Variants in SLC23A1 observed in about 807,000 individuals in gnomAD.
SLC23A1 encodes Na(+)/L-ascorbic acid transporter 1.
SLC23A1 carries 31 observed loss-of-function variants against 62.5 expected under a neutral mutation model. The observed-to-expected ratio is 0.50, with a 90% CI of 0.37 to 0.67. The LOEUF (loss-of-function observed/expected upper bound fraction) is 0.67, where lower values mean the gene tolerates loss of function less well. Among genes scored for constraint, SLC23A1 ranks in the 30% least tolerant of loss-of-function variants. SLC23A1 has a pLI of 0.00. For missense variants in SLC23A1, 640 were observed against 782.7 expected (o/e 0.82, Z 2.18); for synonymous variants, 271 against 313.2 (o/e 0.87, Z 1.42).
chr5:139,377,801 C>A (rs1758017264), intron 12 of SLC23A1, among the ~76,000 whole-genome samples, 174 bp downstream of exon 12: 1 of 152,198 alleles, frequency 6.6e-6, no homozygotes, highest in South Asian at 2.1e-4. Flanking sequence ...CAATATCTGT[C>A]CACAGGAAGT....
In SLC23A1 at chr5:139,379,157, C is replaced by T. The variant is rs764905142; in HGVS notation, c.1073+50G>A. On this transcript the variant is annotated intron_variant, in intron 9 of 14. Transcript: ENST00000348729. The surrounding 1 kb of genome is among the most constrained non-coding windows in gnomAD (Gnocchi z 4.7). ...CTCCACCCCGTTCCTGTGTGTGCTT[C>T]CTGGGTGGCGCCTGAGGAGATCAGA... The T allele has an allele frequency of 1.2e-5, 19 of 1,596,546 alleles. No individual in the cohort carries two copies. Among genetic ancestry groups the T allele is most frequent in the Non-Finnish European group, 1.5e-5 (17 of 1,166,218 alleles).
At chr5:139,383,335 A>G, upstream of SLC23A1, 1 of 1,569,230 alleles carries the variant, frequency 6.4e-7, no homozygotes, top group Non-Finnish European at 8.7e-7. Context: ...TTTACTCCAC[A>G]TATCAGGCAT....
At position 139,382,567 on chromosome 5, in the gene SLC23A1, T is replaced by C. The variant is rs1346855161; in HGVS notation, c.75A>G (p.Thr25=). 2.5e-6 allele frequency: 4 copies of C among 1,613,016 alleles called. No homozygotes were observed. Among genetic ancestry groups the C allele is most frequent in the Non-Finnish European group, 3.4e-6 (4 of 1,179,350 alleles). Residue 25 remains threonine, a synonymous_variant, in exon 2 of 15, where the codon ACA becomes ACG. Transcript: ENST00000348729. Reference sequence around the variant, plus strand: ...TGTACAACATGTCAAACTTAGGCTCTGTGGGTAGCGGGGTCGAGGGGTCCC... The same window carrying C: ...TGTACAACATGTCAAACTTAGGCTCCGTGGGTAGCGGGGTCGAGGGGTCCC... ...TTRDPSTPLP[T]EPKFDMLYKI...
intron 14 of SLC23A1, among the ~76,000 whole-genome samples, chr5:139,370,396 C>A (rs1757580301): frequency 1.3e-5 from 2 of 152,290 alleles, no homozygotes; most frequent in South Asian, 4.1e-4. Flanking sequence ...GTCTTGAACT[C>A]CTGACTTCAG....
Position 139,378,150 on chromosome 5 carries a change from G to A in SLC23A1, c.1310-32C>T, listed in dbSNP as rs750054933. The A allele has an allele frequency of 6.2e-7, 1 of 1,613,672 alleles. No homozygotes were observed. Among genetic ancestry groups the A allele is most frequent in the Non-Finnish European group, 8.5e-7 (1 of 1,179,840 alleles). On this transcript the variant is annotated intron_variant, in intron 11 of 14. Coordinates refer to ENST00000348729, the MANE Select transcript of SLC23A1 (RefSeq NM_005847.5). This position sits in a 1 kb window ranked among gnomAD's most constrained non-coding sequence, Gnocchi z 4.5. ...GCGCAAGAGAACGGCTGGAGGCGCCGCACACGCGTAATCCAGGTGAGTCCC... is the reference window on the plus strand; with the variant it reads ...GCGCAAGAGAACGGCTGGAGGCGCCACACACGCGTAATCCAGGTGAGTCCC...
At chr5:139,371,854 A>G (rs1262743384) in intron 14 of SLC23A1, 133 bp downstream of exon 14, 21 of 733,354 alleles carry the variant, frequency 2.9e-5, no homozygotes, top group Admixed American at 4.7e-5. Context: ...CTTTTTACCC[A>G]GCTCACCTTC....
intron 4 of SLC23A1, 36 bp downstream of exon 4, chr5:139,380,762 C>T (rs1319308750): frequency 2.0e-6 from 3 of 1,493,912 alleles, no homozygotes. Context: ...CTGGGCCTCC[C>T]CTTTTCCCCA....
At chr5:139,380,768 C>A (rs1260560062) in intron 4 of SLC23A1, 30 bp downstream of exon 4, 1 of 1,501,000 alleles carries the variant, frequency 6.7e-7, no homozygotes, top group Non-Finnish European at 9.2e-7. Context: ...CTCCCCTTTT[C>A]CCCAGTGCAG....
chr5:139,384,393 G>C (rs1206799802), upstream of SLC23A1: 1 of 1,289,394 alleles, frequency 7.8e-7, no homozygotes, highest in Non-Finnish European at 1.0e-6. Flanking sequence ...GGCCCTGCCT[G>C]AAGGGCCAAG....
chr5:139,377,346 T>C (rs966388514), intron 13 of SLC23A1, 56 bp downstream of exon 13: 1 of 927,642 alleles, frequency 1.1e-6, no homozygotes, highest in Non-Finnish European at 1.8e-6. Flanking sequence ...AGGCCATCTG[T>C]TGGAGTGCAT....
rs747021735 is a variant in SLC23A1 at position 139,379,845 on chromosome 5, G to C, written c.769-11C>G. On this transcript the variant is annotated splice_polypyrimidine_tract_variant and intron_variant, in intron 7 of 14. Coordinates refer to ENST00000348729, the MANE Select transcript of SLC23A1 (RefSeq NM_005847.5). The surrounding 1 kb of genome is among the most constrained non-coding windows in gnomAD (Gnocchi z 4.7). ...GATGGCCAGCATGATCTGAAGGAGG[G>C]GGGTGAGGGGGCACTGAAGGCACTG... 20 of 1,614,014 alleles carry C rather than the reference G, an allele frequency of 1.2e-5. No homozygotes were observed. In the South Asian group the frequency reaches 2.1e-4, roughly 17 times the overall value.
At chr5:139,382,120 G>T in intron 2 of SLC23A1, 71 bp from the exon 3 acceptor site, 1 of 1,467,436 alleles carries the variant, frequency 6.8e-7, no homozygotes, top group Non-Finnish European at 9.3e-7. Context: ...ACAACCTAGT[G>T]TCCTCATGCC....
upstream of SLC23A1, among the ~76,000 whole-genome samples, chr5:139,383,572 G>A (rs554664943): frequency 1.3e-5 from 2 of 152,318 alleles, no homozygotes; most frequent in South Asian, 4.1e-4. Flanking sequence ...AGCCCCAGGT[G>A]AGCGGAGAAA....
At position 139,380,607 on chromosome 5, in the gene SLC23A1, C is replaced by T. The variant is rs1372145981; in HGVS notation, c.423G>A (p.Leu141=). ...PEEEIYGNWS[L]PLNTSHIWHP... is the part of the protein sequence containing the mutation. ...GCCAAATATGAGAGGTGTTCAGGGG[C>T]AGACTCCAGTTACCGTAGATCTCCT... Residue 141 remains leucine, a synonymous_variant, in exon 5 of 15, where the codon CTG becomes CTA. Coordinates refer to ENST00000348729, the MANE Select transcript of SLC23A1 (RefSeq NM_005847.5). The T allele has an allele frequency of 1.2e-6, 2 of 1,613,976 alleles. No individual in the cohort carries two copies. Among genetic ancestry groups the T allele is most frequent in the Non-Finnish European group, 1.7e-6 (2 of 1,179,852 alleles).
chr5:139,372,128 G>A lies in SLC23A1; in HGVS notation c.1675C>T (p.Leu559=). 6 of 1,613,824 alleles carry A rather than the reference G, an allele frequency of 3.7e-6. No homozygotes were observed. The highest frequency in any genetic ancestry group is 5.1e-6 in the Non-Finnish European group (6 of 1,179,642). The change falls in exon 14 of 15, where the codon CTG becomes TTG. Residue 559 remains leucine (L), a synonymous_variant. Coordinates refer to ENST00000348729, the MANE Select transcript of SLC23A1 (RefSeq NM_005847.5). ...ACTGGGCAGATAGGAATGTATTTCAGAAAGGTAATTCTTTTTACTATGCCC... is the reference window on the plus strand; with the variant it reads ...ACTGGGCAGATAGGAATGTATTTCAAAAAGGTAATTCTTTTTACTATGCCC... The part of the protein sequence containing the change: ...GMGIVKRITF[L]KYIPICPVFK...
rs867612998 is a variant in SLC23A1 at position 139,379,581 on chromosome 5, A to G, written c.925+97T>C. On this transcript the variant is annotated intron_variant, in intron 8 of 14. Transcript: ENST00000348729. This position sits in a 1 kb window ranked among gnomAD's most constrained non-coding sequence, Gnocchi z 4.7. ...CTGGGCGCACTATAAATGTGCGGCT[A>G]ATGCTAGGTGTGTCACCTGCTGGAT... The G allele has an allele frequency of 8.1e-6, 10 of 1,239,030 alleles. No homozygotes were observed. The Middle Eastern group carries it at 5.5e-4, about 69-fold the overall frequency. The allele number at this position is 1,239,030 out of a possible 1,614,324, so 76.8% of individuals were successfully genotyped here.
chr5:139,384,364 G>A (rs1233294669), upstream of SLC23A1: 2 of 1,286,798 alleles, frequency 1.6e-6, no homozygotes, highest in East Asian at 5.6e-5. Context: ...CTACTTCTGG[G>A]TCGCTGTGCC....
At chr5:139,384,106 C>T (rs543044771), upstream of SLC23A1, among the ~76,000 whole-genome samples, 7 of 152,346 alleles carry the variant, frequency 4.6e-5, no homozygotes, top group Non-Finnish European at 8.8e-5. Flanking sequence ...TTAGATGGAG[C>T]GTGGGGCCTT....
At chr5:139,369,093 G>T (rs11548837) in intron 14 of SLC23A1, 12 of 231,008 alleles carry the variant, frequency 5.2e-5, no homozygotes, top group Non-Finnish European at 8.4e-5. Context: ...TTACCAAATT[G>T]TCTTTTTTTG....
Sources: allele counts gnomAD v4.1 joint callset (sites outside exome capture counted in the v4.1 genomes callset), GRCh38; gene constraint gnomAD v4.1.1; non-coding constraint Gnocchi (gnomAD v3.1); transcripts MANE v1.5; gene names NCBI Gene and HGNC (gene_info 2026-07-23, HGNC 2026-07-21).